GREB1L: variants seen among roughly 807,000 people sequenced by gnomAD.
GREB1L encodes the protein GREB1 like retinoic acid receptor coactivator.
A neutral mutation model predicts 200.8 loss-of-function variants in GREB1L; 17 were observed. The observed-to-expected ratio is 0.08, with a 90% confidence interval of 0.06 to 0.13. The LOEUF (loss-of-function observed/expected upper bound fraction) is 0.13. Among genes scored for constraint, GREB1L ranks in the 10% least tolerant of loss-of-function variants. The probability of loss-of-function intolerance (pLI) is 1.00; values close to 1 mark genes in which losing one functional copy is unlikely to be tolerated. For synonymous variants in GREB1L, 789 were observed against 893.0 expected (o/e 0.88, Z 2.08); for missense variants, 1,657 against 2,367.7 (o/e 0.70, Z 6.23).
At position 21,370,872 on chromosome 18, in the gene GREB1L, G is replaced by T. The variant is rs563838351; in HGVS notation, c.-10+4736G>T. Among the ~76,000 whole-genome samples the T allele has an allele frequency of 1.2e-4, 19 of 152,214 alleles. No individual in the cohort carries two copies. In the East Asian group the frequency reaches 3.1e-3, roughly 25 times the overall value. ...GCAGGTGGATTGCTTGAGGCCAGGG[G>T]TTCGAGACCAGCCTTGCCTGCATGG... On this transcript the variant is annotated intron_variant, in intron 2 of 32. Coordinates refer to ENST00000424526, the MANE Select transcript of GREB1L (RefSeq NM_001142966.3).
At chr18:21,289,045 G>A (rs1192155236) in intron 1 of GREB1L, among the ~76,000 whole-genome samples, 2 of 152,000 alleles carry the variant, frequency 1.3e-5, no homozygotes, top group Non-Finnish European at 2.9e-5. Flanking sequence ...CAGCTACCAT[G>A]CTTTCTTTCT....
chr18:21,289,727 G>A (rs2038417084), intron 1 of GREB1L, among the ~76,000 whole-genome samples: 1 of 152,318 alleles, frequency 6.6e-6, no homozygotes, highest in Admixed American at 6.5e-5. Flanking sequence ...GAGGACAAAT[G>A]TACAGTCACT....
chr18:21,402,464 C>T (rs2041358256), intron 6 of GREB1L, among the ~76,000 whole-genome samples: 1 of 142,278 alleles, frequency 7.0e-6, no homozygotes, highest in Non-Finnish European at 1.5e-5. Flanking sequence ...CCTTCCTTTC[C>T]TTTCCCTTTT....
chr18:21,293,969 A>G (rs1483222554), intron 1 of GREB1L, among the ~76,000 whole-genome samples: 1 of 152,006 alleles, frequency 6.6e-6, no homozygotes, highest in Non-Finnish European at 1.5e-5. Flanking sequence ...TTGTGTAGAA[A>G]TTGGGTTTTG....
At chr18:21,498,176 A>G (rs1195955499) in intron 21 of GREB1L, among the ~76,000 whole-genome samples, 2 of 152,066 alleles carry the variant, frequency 1.3e-5, no homozygotes, top group Admixed American at 6.6e-5. Context: ...TGACACATAC[A>G]TGCGAACACA....
At position 21,423,916 on chromosome 18, in the gene GREB1L, A is replaced by C. The variant is rs112804273; in HGVS notation, c.833-15605A>C. 1.4e-4 allele frequency among the ~76,000 whole-genome samples: 21 copies of C among 152,216 alleles called. 1 individual carries two copies. The highest frequency in any genetic ancestry group is 4.6e-4 in the African/African-American group (19 of 41,548). On this transcript the variant is annotated intron_variant, in intron 7 of 32. Coordinates refer to ENST00000424526, the MANE Select transcript of GREB1L (RefSeq NM_001142966.3). ...GACATTTATTCTTACATCCCTTATT[A>C]ATTTAGGATTGCCCTACAAGCATTA...
intron 19 of GREB1L, 61 bp downstream of exon 19, chr18:21,490,412 C>T: frequency 7.1e-7 from 1 of 1,417,938 alleles, no homozygotes; most frequent in Non-Finnish European, 9.6e-7. Flanking sequence ...TCTAGGAATC[C>T]TACATAGGTG....
chr18:21,345,112 A>G (rs2039325810), intron 1 of GREB1L, among the ~76,000 whole-genome samples: 1 of 152,208 alleles, frequency 6.6e-6, no homozygotes, highest in African/African-American at 2.4e-5. Context: ...CCTAAGTACT[A>G]GTGAAGCCAA....
rs771011696 is a variant in GREB1L, at chr18:21,525,509, C to CA, written c.*2689dup. ...GCAATGTCCTAAAAAGGCTGGAAGT[C>CA]AGTCACATTATAGGTTGGACAACCA... is the stretch of plus-strand genomic sequence containing the variant. On this transcript the variant is annotated 3_prime_UTR_variant, in exon 33 of 33. Transcript: ENST00000424526. 1 of 152,034 alleles carries CA rather than the reference C, an allele frequency of 6.6e-6. No individual in the cohort carries two copies. Among genetic ancestry groups the CA allele is most frequent in the Non-Finnish European group, 1.5e-5 (1 of 68,008 alleles). 9.4% of individuals were successfully genotyped at this position (152,034 alleles called of 1,614,324 possible). A position where few individuals can be genotyped will look rare whatever the true frequency, so the allele number is the denominator to read the frequency against.
chr18:21,438,786 A>G (rs1417552459), intron 7 of GREB1L, among the ~76,000 whole-genome samples: 3 of 151,380 alleles, frequency 2.0e-5, no homozygotes, highest in Non-Finnish European at 4.4e-5. Context: ...GTGAAACCCC[A>G]TCTCTACTAA....
At chr18:21,475,998 G>C (rs1459048575) in intron 16 of GREB1L, among the ~76,000 whole-genome samples, 1 of 55,990 alleles carries the variant, frequency 1.8e-5, no homozygotes, top group African/African-American at 5.1e-5. Flanking sequence ...AAAAAAAAAA[G>C]AGTCAAATAT....
At chr18:21,324,067 G>C (rs768259887) in intron 1 of GREB1L, among the ~76,000 whole-genome samples, 2 of 152,044 alleles carry the variant, frequency 1.3e-5, no homozygotes, top group Non-Finnish European at 2.9e-5. Flanking sequence ...TTACCTGTTG[G>C]GTATTTGATT....
At chr18:21,269,506 A>G (rs758425525) in intron 1 of GREB1L, among the ~76,000 whole-genome samples, 7 of 152,238 alleles carry the variant, frequency 4.6e-5, no homozygotes, top group African/African-American at 7.2e-5. Context: ...CTGCTCATGT[A>G]GTATACAAGA....
rs565501173 is a variant in GREB1L, at chr18:21,255,443, GCA to G, written c.-120+13052_-120+13053del. 9.2e-5 allele frequency among the ~76,000 whole-genome samples: 14 copies of G among 152,298 alleles called. No homozygotes were observed. The East Asian group carries it at 2.7e-3, about 29-fold the overall frequency. ...TAATCACAGGAAGTTCTGACGGAAA[GCA>G]CTGCTCTAGAAATTCTTACAAAGCA... On this transcript the variant is annotated intron_variant, in intron 1 of 32. Coordinates refer to ENST00000424526, the MANE Select transcript of GREB1L (RefSeq NM_001142966.3).
chr18:21,481,580 C>T (rs1400595441), intron 17 of GREB1L, among the ~76,000 whole-genome samples: 1 of 151,156 alleles, frequency 6.6e-6, no homozygotes, highest in Admixed American at 6.6e-5. Context: ...CGAAACACGC[C>T]TGTGGGACCA....
intron 29 of GREB1L, among the ~76,000 whole-genome samples, chr18:21,515,981 A>G (rs2037403166): frequency 6.6e-6 from 1 of 151,834 alleles, no homozygotes; most frequent in African/African-American, 2.4e-5. Context: ...CAGACTCAGA[A>G]GGAAATCACT....
At chr18:21,287,793 CTTT>C (rs534899512) in intron 1 of GREB1L, among the ~76,000 whole-genome samples, 6 of 133,300 alleles carry the variant, frequency 4.5e-5, no homozygotes, top group Non-Finnish European at 3.3e-5. Flanking sequence ...AGTTTAAAAT[CTTT>C]TTTTTTTTTT....
chr18:21,354,779 AT>A (rs2039480694), intron 1 of GREB1L, among the ~76,000 whole-genome samples: 1 of 152,128 alleles, frequency 6.6e-6, no homozygotes, highest in South Asian at 2.1e-4. Context: ...GGCAGAGGGA[AT>A]GTAAGCATTT....
chr18:21,331,361 G>C (rs1484107014), intron 1 of GREB1L, among the ~76,000 whole-genome samples: 4 of 152,182 alleles, frequency 2.6e-5, no homozygotes. Flanking sequence ...TGTCTTGAGA[G>C]GAAATCGGAG....
Sources: gnomAD v4.1 joint callset for allele counts (sites outside exome capture counted in the v4.1 genomes callset) on GRCh38, gnomAD v4.1.1 for gene constraint, MANE v1.5 for transcripts, NCBI Gene and HGNC (gene_info 2026-07-23, HGNC 2026-07-21) for gene names.